HIPK3: variants seen among roughly 807,000 people sequenced by gnomAD.
HIPK3 encodes homeodomain-interacting protein kinase 3.
Under a neutral mutation model 124.2 loss-of-function variants are expected in HIPK3, and 47 were observed. The ratio of observed to expected loss-of-function variants is 0.38; its 90% confidence interval spans 0.30 to 0.48. The LOEUF is 0.48. HIPK3 is among the 20% of genes least tolerant of loss of function. The pLI is 0.98. For synonymous variants in HIPK3, 482 were observed against 515.2 expected, an observed-to-expected ratio of 0.94 and a Z score of 0.87; for missense variants, 1,286 against 1,454.3, an observed-to-expected ratio of 0.88 and a Z score of 1.88.
chr11:33,263,154 G>A (rs1850870140), intron 1 of HIPK3, among the ~76,000 whole-genome samples: 1 of 150,528 alleles, frequency 6.6e-6, no homozygotes, highest in Non-Finnish European at 1.5e-5. Context: ...ACAGGCATGA[G>A]CCACTGTGCC....
Position 33,351,762 on chromosome 11 carries a change from A to G in HIPK3, c.2962A>G (p.Lys988Glu). The G allele has an allele frequency of 2.5e-6, 4 of 1,614,218 alleles. No individual in the cohort carries two copies. Among genetic ancestry groups the G allele is most frequent in the Non-Finnish European group, 3.4e-6 (4 of 1,180,032 alleles). The stretch of plus-strand genomic sequence containing the variant: ...GGTATCCTCTGCTGACACAGAAACC[A>G]AGCCAGCTGTCTGTTCTGTTGTGGT... ...ELVSSADTET[K>E]PAVCSVVVPP... Residue 988 changes from lysine (K) to glutamate (E), a missense_variant, in exon 15 of 17, where the codon AAG becomes GAG. This residue lies in a region of HIPK3 where 810 missense variants were observed against 864.9 expected (regional missense o/e 0.94). Coordinates refer to ENST00000303296, the MANE Select transcript of HIPK3 (RefSeq NM_005734.5).
rs1851560027 is a variant in HIPK3, at chr11:33,286,572, C to T, written c.158C>T (p.Ser53Phe). Residue 53 changes from serine to phenylalanine, a missense_variant, in exon 2 of 17, where the codon TCT becomes TTT. Around this residue, in one of 3 missense-constraint regions of HIPK3, gnomAD observed 225 missense variants for 240.3 expected, o/e 0.94. Transcript: ENST00000303296. The stretch of plus-strand genomic sequence containing the variant: ...GTGAATGGTAGAAACTTTGGAAATT[C>T]TCATCCTCCCACTAAGGGTAGTGCT... ...TYVNGRNFGN[S>F]HPPTKGSAFQ... 22 of 1,613,944 alleles carry T rather than the reference C, an allele frequency of 1.4e-5. No homozygotes were observed. Among genetic ancestry groups the T allele is most frequent in the Non-Finnish European group, 1.9e-5 (22 of 1,180,004 alleles).
At chr11:33,286,313 A>ATAT (rs1851548508) in intron 1 of HIPK3, 100 bp from the exon 2 acceptor site, 2 of 1,082,278 alleles carry the variant, frequency 1.8e-6, no homozygotes, top group Non-Finnish European at 2.5e-6. Context: ...TTGACCCTTA[A>ATAT]GAGTTTTCTT....
intron 2 of HIPK3, 151 bp downstream of exon 2, chr11:33,287,662 A>T (rs1356797474): frequency 1.1e-5 from 9 of 819,480 alleles, no homozygotes; most frequent in East Asian, 2.6e-5. Context: ...TAAAGAGATT[A>T]AAAAAAATCA....
At chr11:33,303,502 G>T (rs796151573) in intron 2 of HIPK3, among the ~76,000 whole-genome samples, 24 of 152,244 alleles carry the variant, frequency 1.6e-4, no homozygotes, top group African/African-American at 5.5e-4. Context: ...TAATGTCAAA[G>T]GTTATTAGTT....
At chr11:33,276,095 C>G (rs954049402) in intron 1 of HIPK3, among the ~76,000 whole-genome samples, 5 of 152,132 alleles carry the variant, frequency 3.3e-5, no homozygotes, top group Admixed American at 6.6e-5. Flanking sequence ...ACAAAGAATT[C>G]CTGTGTATTT....
At chr11:33,310,276 C>CT (rs879703681) in intron 2 of HIPK3, among the ~76,000 whole-genome samples, 12,031 of 74,518 alleles carry the variant, frequency 0.16, 623 homozygotes, top group African/African-American at 0.23. Flanking sequence ...GTCTGTCTGT[C>CT]TATCTTATCT....
intron 1 of HIPK3, among the ~76,000 whole-genome samples, chr11:33,266,248 A>C (rs1160019197): frequency 6.6e-6 from 1 of 151,952 alleles, no homozygotes; most frequent in Admixed American, 6.6e-5. Context: ...CACCTAAGTT[A>C]GAAAAACACT....
chr11:33,321,755 CT>C (rs1245173187), intron 2 of HIPK3, among the ~76,000 whole-genome samples: 1 of 152,166 alleles, frequency 6.6e-6, no homozygotes, highest in Non-Finnish European at 1.5e-5. Context: ...CACACACATT[CT>C]TTTACTTAGT....
Position 33,353,395 on chromosome 11 carries a change from G to T in HIPK3, c.3475G>T (p.Gly1159Cys). Residue 1159 changes from glycine to cysteine, a missense_variant, in exon 17 of 17, where the codon GGC becomes TGC. Physicochemically the swap from Gly to Cys is radical, Grantham distance 159 (BLOSUM62 -3). Coordinates refer to ENST00000303296, the MANE Select transcript of HIPK3 (RefSeq NM_005734.5). ...AACTTATAATATCTCCCATCCCAGT[G>T]GCATAGTTCACCAAGTCCCAGTGGG... The part of the protein sequence containing the change: ...HPTYNISHPS[G>C]IVHQVPVGLN... 1 of 1,614,030 alleles carries T rather than the reference G, an allele frequency of 6.2e-7. No individual in the cohort carries two copies. The highest frequency in any genetic ancestry group is 8.5e-7 in the Non-Finnish European group (1 of 1,179,990).
intron 2 of HIPK3, among the ~76,000 whole-genome samples, chr11:33,312,757 A>G (rs1852389371): frequency 6.6e-6 from 1 of 152,204 alleles, no homozygotes; most frequent in Non-Finnish European, 1.5e-5. Flanking sequence ...AAATCACTCA[A>G]GCACTCTTAA....
chr11:33,350,931 CAA>C (rs1853639685), intron 14 of HIPK3, among the ~76,000 whole-genome samples: 1 of 148,616 alleles, frequency 6.7e-6, no homozygotes, highest in Non-Finnish European at 1.5e-5. Context: ...TATATATAAA[CAA>C]ATATACGTAT....
intron 2 of HIPK3, among the ~76,000 whole-genome samples, chr11:33,297,719 C>G (rs906371203): frequency 1.4e-5 from 2 of 148,058 alleles, no homozygotes; most frequent in Non-Finnish European, 3.0e-5. Context: ...ATGATACCAT[C>G]TAGGACTTTC....
At chr11:33,339,595 C>T in intron 6 of HIPK3, 61 bp downstream of exon 6, 1 of 1,195,940 alleles carries the variant, frequency 8.4e-7, no homozygotes, top group Non-Finnish European at 1.2e-6. Flanking sequence ...TAGAAAATGA[C>T]TGCATCAGAG....
intron 3 of HIPK3, among the ~76,000 whole-genome samples, chr11:33,331,221 T>A (rs2133972441): frequency 6.6e-6 from 1 of 152,264 alleles, no homozygotes; most frequent in South Asian, 2.1e-4. Flanking sequence ...TGTTTATTAA[T>A]GTGTTTGACT....
chr11:33,295,507 C>A (rs1288759170), intron 2 of HIPK3, among the ~76,000 whole-genome samples: 1 of 152,378 alleles, frequency 6.6e-6, no homozygotes, highest in Admixed American at 6.5e-5. Context: ...ATGAAACCTT[C>A]GGGCGTAGGC....
At position 33,283,318 on chromosome 11, in the gene HIPK3, G is replaced by A. The variant is rs1851461606; in HGVS notation, c.-2-3095G>A. Among the ~76,000 whole-genome samples the A allele has an allele frequency of 2.0e-5, 3 of 152,088 alleles. No individual in the cohort carries two copies. In the South Asian group the frequency reaches 6.2e-4, roughly 32 times the overall value. On this transcript the variant is annotated intron_variant, in intron 1 of 16. Coordinates refer to ENST00000303296, the MANE Select transcript of HIPK3 (RefSeq NM_005734.5). Reference sequence around the variant, plus strand: ...GTGGAGACGGGGTTTCACCGTGTTAGCCAGGATGGTCTGGATCTCCTGACC... The same window carrying A: ...GTGGAGACGGGGTTTCACCGTGTTAACCAGGATGGTCTGGATCTCCTGACC...
chr11:33,269,754 T>G (rs1327497171), intron 1 of HIPK3, among the ~76,000 whole-genome samples: 1 of 82,066 alleles, frequency 1.2e-5, no homozygotes, highest in Non-Finnish European at 3.1e-5. Context: ...TAAGCTCCCC[T>G]GTATTTTTTT....
chr11:33,345,220 A>G (rs1164807406), intron 8 of HIPK3, among the ~76,000 whole-genome samples: 1 of 152,120 alleles, frequency 6.6e-6, no homozygotes, highest in African/African-American at 2.4e-5. Flanking sequence ...AGTGTTTTAT[A>G]TATTAAACAA....
Sources: gnomAD v4.1 joint callset for allele counts (sites outside exome capture counted in the v4.1 genomes callset) on GRCh38, gnomAD v4.1.1 for gene constraint, gnomAD v4.1.1 regional missense constraint, MANE v1.5 for transcripts, NCBI Gene and HGNC (gene_info 2026-07-23, HGNC 2026-07-21) for gene names.